EXOC6B: variants seen among roughly 807,000 people sequenced by gnomAD.
EXOC6B encodes SEC15 homolog B.
A neutral mutation model predicts 113.5 loss-of-function variants in EXOC6B; 54 were observed. That is an observed-to-expected ratio of 0.48 (90% confidence interval 0.38 to 0.60). The LOEUF (loss-of-function observed/expected upper bound fraction) is 0.60, where lower values mean the gene tolerates loss of function less well. EXOC6B is among the 20% of genes least tolerant of loss of function. The probability of loss-of-function intolerance (pLI) is 0.00; values close to 1 mark genes in which losing one functional copy is unlikely to be tolerated. For missense variants in EXOC6B, 797 were observed against 977.5 expected (o/e 0.82, Z 2.46); for synonymous variants, 357 against 339.0 (o/e 1.05, Z -0.58).
chr2:72,240,704 A>G (rs542358709), intron 20 of EXOC6B, among the ~76,000 whole-genome samples: 3 of 152,340 alleles, frequency 2.0e-5, no homozygotes, highest in Non-Finnish European at 2.9e-5. Flanking sequence ...GGAGTGTTAT[A>G]TGCTACTATA....
chr2:72,299,513 C>G (rs1386711209), intron 20 of EXOC6B, among the ~76,000 whole-genome samples: 1 of 151,992 alleles, frequency 6.6e-6, no homozygotes, highest in Non-Finnish European at 1.5e-5. Flanking sequence ...CCCTCTGAAG[C>G]CTACTTCTGT....
intron 6 of EXOC6B, among the ~76,000 whole-genome samples, chr2:72,687,105 TC>T (rs1330391617): frequency 6.6e-6 from 1 of 150,558 alleles, no homozygotes; most frequent in Non-Finnish European, 1.5e-5. Flanking sequence ...GCCACTGCAC[TC>T]CAGCCTGGGT....
At position 72,402,332 on chromosome 2, in the gene EXOC6B, T is replaced by C. The variant is rs1693395286; in HGVS notation, c.1981-22462A>G. Among the ~76,000 whole-genome samples the C allele has an allele frequency of 2.0e-5, 3 of 152,232 alleles. No homozygotes were observed. The South Asian group carries it at 6.2e-4, about 31-fold the overall frequency. On this transcript the variant is annotated intron_variant, in intron 18 of 21. Transcript: ENST00000272427. ...TTGTCCTTAATAAAATGTTTACAATTATATTTAAGCATTTGTCTATTAAAT... is the reference window on the plus strand; with the variant it reads ...TTGTCCTTAATAAAATGTTTACAATCATATTTAAGCATTTGTCTATTAAAT...
intron 20 of EXOC6B, among the ~76,000 whole-genome samples, chr2:72,236,433 T>A (rs1681963317): frequency 6.6e-6 from 1 of 152,208 alleles, no homozygotes; most frequent in South Asian, 2.1e-4. Flanking sequence ...GTCATTACTA[T>A]CTTTAATTTA....
At chr2:72,818,754 C>T (rs1686419671) in intron 1 of EXOC6B, among the ~76,000 whole-genome samples, 1 of 152,182 alleles carries the variant, frequency 6.6e-6, no homozygotes, top group Non-Finnish European at 1.5e-5. Context: ...TGGACCCTGA[C>T]TACTTTCTTA....
chr2:72,636,383 A>G (rs1672832732), intron 6 of EXOC6B, among the ~76,000 whole-genome samples: 1 of 147,676 alleles, frequency 6.8e-6, no homozygotes, highest in African/African-American at 2.5e-5. Context: ...CAAGGAAGCA[A>G]GGAAGGGAGG....
rs554178824 is a variant in EXOC6B at position 72,401,398 on chromosome 2, G to A, written c.1981-21528C>T. The stretch of plus-strand genomic sequence containing the variant: ...AATCACTTGAACCCAGGAGGCGGAG[G>A]TTGCAGTGAGCCGAGATCATGCCAT... On this transcript the variant is annotated intron_variant, in intron 18 of 21. Transcript: ENST00000272427. Among the ~76,000 whole-genome samples, 700 of 145,222 alleles carry A rather than the reference G, an allele frequency of 4.8e-3. 9 individuals carry two copies. The highest frequency in any genetic ancestry group is 0.016 in the African/African-American group (647 of 39,864).
At chr2:72,421,020 C>A (rs1694838897) in intron 18 of EXOC6B, among the ~76,000 whole-genome samples, 2 of 152,152 alleles carry the variant, frequency 1.3e-5, no homozygotes, top group African/African-American at 4.8e-5. Context: ...TGTTTGTTGG[C>A]TGCATAAATG....
intron 21 of EXOC6B, among the ~76,000 whole-genome samples, chr2:72,180,308 T>C (rs1309124506): frequency 6.6e-6 from 1 of 152,294 alleles, no homozygotes; most frequent in East Asian, 1.9e-4. Flanking sequence ...CTGGGAAACA[T>C]GGACAAGAAA....
intron 17 of EXOC6B, among the ~76,000 whole-genome samples, chr2:72,468,955 A>C: frequency 6.6e-6 from 1 of 152,034 alleles, no homozygotes; most frequent in East Asian, 1.9e-4. Flanking sequence ...TTTATTTTTT[A>C]GTGTTTTAGG....
intron 1 of EXOC6B, among the ~76,000 whole-genome samples, chr2:72,772,282 C>T (rs1202154514): frequency 6.6e-6 from 1 of 152,116 alleles, no homozygotes; most frequent in East Asian, 1.9e-4. Flanking sequence ...AAATCCAACA[C>T]AAGGACAGCC....
rs371465607 is a variant in EXOC6B, at chr2:72,620,170, C to A, written c.670-44502G>T. ...CCCAAAGGGATATGGGCAGCCTCTGCAGCCCAGGCTGAGTGTGTTGCTATG... is the reference window on the plus strand; with the variant it reads ...CCCAAAGGGATATGGGCAGCCTCTGAAGCCCAGGCTGAGTGTGTTGCTATG... On this transcript the variant is annotated intron_variant, in intron 6 of 21. Coordinates refer to ENST00000272427, the MANE Select transcript of EXOC6B (RefSeq NM_015189.3). Among the ~76,000 whole-genome samples, 8 of 152,338 alleles carry A rather than the reference C, an allele frequency of 5.3e-5. No homozygotes were observed. The East Asian group carries it at 1.5e-3, about 29-fold the overall frequency.
At chr2:72,262,924 A>G (rs943930832) in intron 20 of EXOC6B, among the ~76,000 whole-genome samples, 2 of 152,230 alleles carry the variant, frequency 1.3e-5, no homozygotes, top group Admixed American at 1.3e-4. Context: ...ACATGTAGAC[A>G]ATAAACAAGC....
At chr2:72,633,453 C>G (rs1672618626) in intron 6 of EXOC6B, among the ~76,000 whole-genome samples, 1 of 152,110 alleles carries the variant, frequency 6.6e-6, no homozygotes. Flanking sequence ...ATCACTTCCC[C>G]CATGCCCTAT....
intron 18 of EXOC6B, among the ~76,000 whole-genome samples, chr2:72,459,172 T>G (rs1389341820): frequency 1.3e-5 from 2 of 152,126 alleles, no homozygotes; most frequent in Non-Finnish European, 2.9e-5. Flanking sequence ...TGCTAAAAAC[T>G]CTCAATAAAT....
intron 20 of EXOC6B, among the ~76,000 whole-genome samples, chr2:72,327,408 C>A (rs1688187354): frequency 1.3e-5 from 2 of 152,024 alleles, no homozygotes; most frequent in African/African-American, 4.8e-5. Flanking sequence ...TACGAATACT[C>A]CCTCTCCCCT....
chr2:72,566,717 C>T (rs1704198705), intron 7 of EXOC6B, among the ~76,000 whole-genome samples: 1 of 151,874 alleles, frequency 6.6e-6, no homozygotes, highest in African/African-American at 2.4e-5. Context: ...TTTAGGTATT[C>T]TAATAGCTGT....
At chr2:72,777,453 A>C (rs1328805772) in intron 1 of EXOC6B, among the ~76,000 whole-genome samples, 2 of 152,082 alleles carry the variant, frequency 1.3e-5, no homozygotes, top group Non-Finnish European at 2.9e-5. Context: ...ACATTGAGCA[A>C]AAATTCATTA....
At chr2:72,462,565 G>C (rs767463286) in intron 18 of EXOC6B, 14 of 152,038 alleles carry the variant, frequency 9.2e-5, no homozygotes, top group African/African-American at 2.9e-4. Flanking sequence ...GATTGGGGGA[G>C]TGAGTTTGTC....
Sources: allele counts gnomAD v4.1 joint callset (sites outside exome capture counted in the v4.1 genomes callset), GRCh38; gene constraint gnomAD v4.1.1; transcripts MANE v1.5; gene names NCBI Gene and HGNC (gene_info 2026-07-23, HGNC 2026-07-21).